QTMAN: variants seen among roughly 807,000 people sequenced by gnomAD.
The protein encoded by QTMAN is tRNA-queuosine alpha-mannosyltransferase.
the QTMAN span, among the ~76,000 whole-genome samples, chr2:144,301,369 C>T: frequency 7.9e-5 from 12 of 152,158 alleles, no homozygotes; most frequent in South Asian, 6.2e-4. Flanking sequence ...ACTACAGATG[C>T]GCACCACCAC....
At chr2:144,020,687 C>CA in the QTMAN span, among the ~76,000 whole-genome samples, 2 of 152,006 alleles carry the variant, frequency 1.3e-5, no homozygotes, top group Admixed American at 6.5e-5. Context: ...GCTGAAGCAG[C>CA]AAGTCACACC....
chr2:144,061,766 C>T, the QTMAN span, among the ~76,000 whole-genome samples: 1 of 152,192 alleles, frequency 6.6e-6, no homozygotes, highest in East Asian at 1.9e-4. Flanking sequence ...GCCTGCCACA[C>T]CCCCCATCCT....
chr2:144,080,604 A>G, the QTMAN span, among the ~76,000 whole-genome samples: 4 of 152,218 alleles, frequency 2.6e-5, no homozygotes, highest in Non-Finnish European at 4.4e-5. Context: ...ACAGATTAAA[A>G]TGTTGCTCAC....
the QTMAN span, among the ~76,000 whole-genome samples, chr2:144,206,252 T>C: frequency 6.6e-6 from 1 of 152,194 alleles, no homozygotes; most frequent in East Asian, 1.9e-4. Flanking sequence ...ATTTTACCTT[T>C]ATGAGTTTAA....
chr2:144,178,428 G>A, the QTMAN span: 1 of 152,190 alleles, frequency 6.6e-6, no homozygotes, highest in African/African-American at 2.4e-5. Context: ...TTTCTGTTTT[G>A]ATTACTATAG....
chr2:144,270,223 C>T, the QTMAN span, among the ~76,000 whole-genome samples: 1 of 152,124 alleles, frequency 6.6e-6, no homozygotes, highest in African/African-American at 2.4e-5. Context: ...TAAATTAGTT[C>T]AACCACTGTG....
At chr2:144,116,515 T>A in the QTMAN span, among the ~76,000 whole-genome samples, 51 of 152,242 alleles carry the variant, frequency 3.3e-4, no homozygotes, top group Non-Finnish European at 6.8e-4. Context: ...TCACAGGCAA[T>A]AGATTACAAA....
the QTMAN span, among the ~76,000 whole-genome samples, chr2:144,257,347 G>A: frequency 6.6e-6 from 1 of 151,864 alleles, no homozygotes; most frequent in South Asian, 2.1e-4. Context: ...TTTCTACCTA[G>A]GAGAGAATAG....
At chr2:144,306,910 C>G in the QTMAN span, among the ~76,000 whole-genome samples, 3 of 151,816 alleles carry the variant, frequency 2.0e-5, no homozygotes, top group African/African-American at 7.3e-5. Flanking sequence ...GCCTGTAATC[C>G]CAGCACTTTG....
the QTMAN span, among the ~76,000 whole-genome samples, chr2:144,058,966 T>C: frequency 1.3e-5 from 2 of 152,336 alleles, no homozygotes; most frequent in East Asian, 3.9e-4. Flanking sequence ...TTTAATGTTA[T>C]GAACTCCATC....
chr2:144,129,840 T>C, the QTMAN span, among the ~76,000 whole-genome samples: 2 of 151,878 alleles, frequency 1.3e-5, no homozygotes, highest in African/African-American at 4.8e-5. Flanking sequence ...ACAGAAATCT[T>C]CCAAACACAG....
the QTMAN span, among the ~76,000 whole-genome samples, chr2:144,073,261 TC>T: frequency 6.7e-6 from 1 of 149,042 alleles, no homozygotes; most frequent in Non-Finnish European, 1.5e-5. Flanking sequence ...TATATATATA[TC>T]ATATATATTT....
At chr2:144,197,097 T>C in the QTMAN span, among the ~76,000 whole-genome samples, 2 of 152,148 alleles carry the variant, frequency 1.3e-5, no homozygotes, top group Non-Finnish European at 2.9e-5. Context: ...GCATAGCCTA[T>C]TGCTCCTAGG....
chr2:143,998,679 G>A, the QTMAN span, among the ~76,000 whole-genome samples: 2 of 151,798 alleles, frequency 1.3e-5, no homozygotes, highest in African/African-American at 4.8e-5. Flanking sequence ...TAATCTACAG[G>A]GATCTTCACT....
chr2:144,256,628 C>T, the QTMAN span, among the ~76,000 whole-genome samples: 1 of 152,044 alleles, frequency 6.6e-6, no homozygotes, highest in East Asian at 1.9e-4. Flanking sequence ...CATGTTCTCA[C>T]TCATTAGTGG....
At chr2:144,203,890 T>C in the QTMAN span, among the ~76,000 whole-genome samples, 1 of 152,036 alleles carries the variant, frequency 6.6e-6, no homozygotes, top group Non-Finnish European at 1.5e-5. Flanking sequence ...AAACAAGAAA[T>C]GGGGAAAGGA....
chr2:144,125,297 G>A, the QTMAN span, among the ~76,000 whole-genome samples: 13 of 151,790 alleles, frequency 8.6e-5, no homozygotes, highest in East Asian at 1.7e-3. Flanking sequence ...GATTTGAAGA[G>A]GCTAGAAGCA....
At chr2:144,238,401 A>G in the QTMAN span, among the ~76,000 whole-genome samples, 1 of 152,196 alleles carries the variant, frequency 6.6e-6, no homozygotes, top group Non-Finnish European at 1.5e-5. Context: ...GGTGTTTCTC[A>G]TGGCTTGTGC....
chr2:144,167,128 G>A, the QTMAN span, among the ~76,000 whole-genome samples: 287 of 152,218 alleles, frequency 1.9e-3, 2 homozygotes, highest in African/African-American at 6.8e-3. Context: ...CCTTTTCCAT[G>A]CAAAATGCCT....
Sources: allele counts gnomAD v4.1 joint callset (sites outside exome capture counted in the v4.1 genomes callset), GRCh38; gene constraint gnomAD v4.1.1; transcripts MANE v1.5; gene names NCBI Gene and HGNC (gene_info 2026-07-23, HGNC 2026-07-21).